PRKAR2B: variants seen among roughly 807,000 people sequenced by gnomAD.
PRKAR2B encodes protein kinase cAMP-dependent type II regulatory subunit beta.
PRKAR2B carries 14 observed loss-of-function variants against 49.9 expected under a neutral mutation model. That is an observed-to-expected ratio of 0.28 (90% CI 0.19 to 0.44). The LOEUF is 0.44. Ranked by LOEUF, PRKAR2B falls within the 20% of genes least tolerant of loss-of-function variation. The pLI, the probability that PRKAR2B is intolerant of heterozygous loss-of-function variation, is 1.00. For synonymous variants in PRKAR2B, 196 were observed against 197.7 expected (o/e 0.99, Z 0.07); for missense variants, 393 against 537.9 (o/e 0.73, Z 2.67).
chr7:107,111,974 C>G (rs1795181208), intron 2 of PRKAR2B, among the ~76,000 whole-genome samples: 1 of 127,446 alleles, frequency 7.8e-6, no homozygotes, highest in Non-Finnish European at 1.6e-5. Context: ...CATGACCAGC[C>G]TAAGCAATAT....
intron 2 of PRKAR2B, among the ~76,000 whole-genome samples, chr7:107,074,558 G>T (rs959609734): frequency 1.3e-5 from 2 of 152,018 alleles, no homozygotes; most frequent in African/African-American, 4.8e-5. Context: ...TGCCACTTTG[G>T]GAGGCTGAGG....
At chr7:107,075,784 C>T (rs868474097) in intron 2 of PRKAR2B, among the ~76,000 whole-genome samples, 11 of 152,144 alleles carry the variant, frequency 7.2e-5, no homozygotes, top group South Asian at 2.1e-4. Context: ...GCCATAAACC[C>T]CTCAGCTTTT....
At chr7:107,080,095 T>C (rs1026551125) in intron 2 of PRKAR2B, among the ~76,000 whole-genome samples, 33 of 152,200 alleles carry the variant, frequency 2.2e-4, no homozygotes, top group African/African-American at 7.7e-4. Flanking sequence ...TGGTGGCACA[T>C]TGGAGTGAAA....
At chr7:107,066,416 T>G (rs2536498) in intron 1 of PRKAR2B, among the ~76,000 whole-genome samples, 6 of 152,128 alleles carry the variant, frequency 3.9e-5, no homozygotes, top group African/African-American at 1.4e-4. Flanking sequence ...TGTCACATTT[T>G]AAGATACCTT....
chr7:107,106,338 C>G (rs1795071972), intron 2 of PRKAR2B, among the ~76,000 whole-genome samples: 1 of 152,140 alleles, frequency 6.6e-6, no homozygotes, highest in Non-Finnish European at 1.5e-5. Flanking sequence ...AATGGCTCGG[C>G]CTTGGTTATG....
chr7:107,109,905 G>A (rs891832357), intron 2 of PRKAR2B, among the ~76,000 whole-genome samples: 7 of 152,240 alleles, frequency 4.6e-5, no homozygotes, highest in Non-Finnish European at 5.9e-5. Flanking sequence ...CCCACGGAAG[G>A]ACATTATTGA....
intron 1 of PRKAR2B, among the ~76,000 whole-genome samples, chr7:107,045,801 C>A (rs1793676593): frequency 6.6e-6 from 1 of 152,118 alleles, no homozygotes; most frequent in African/African-American, 2.4e-5. Flanking sequence ...TCCAATTTAC[C>A]AATACCGTGT....
At chr7:107,116,888 T>C (rs928677456) in intron 2 of PRKAR2B, among the ~76,000 whole-genome samples, 5 of 149,774 alleles carry the variant, frequency 3.3e-5, no homozygotes, top group African/African-American at 4.9e-5. Flanking sequence ...TACACACATA[T>C]ATATATATGT....
chr7:107,088,046 A>G (rs1794654677), intron 2 of PRKAR2B, among the ~76,000 whole-genome samples: 5 of 152,162 alleles, frequency 3.3e-5, no homozygotes, highest in Admixed American at 3.3e-4. Flanking sequence ...TCATTGATTT[A>G]CAGTATGTCG....
intron 2 of PRKAR2B, among the ~76,000 whole-genome samples, chr7:107,094,733 C>A (rs1050491544): frequency 5.9e-5 from 9 of 152,178 alleles, no homozygotes; most frequent in African/African-American, 2.2e-4. Context: ...TATGGCTAAC[C>A]AGTTTCCCCA....
At chr7:107,108,298 C>T (rs796315216) in intron 2 of PRKAR2B, among the ~76,000 whole-genome samples, 9 of 152,054 alleles carry the variant, frequency 5.9e-5, no homozygotes, top group African/African-American at 1.2e-4. Flanking sequence ...GAAAGTGTCC[C>T]GACTTACATA....
intron 1 of PRKAR2B, among the ~76,000 whole-genome samples, chr7:107,048,954 T>A (rs1410939477): frequency 6.6e-6 from 1 of 152,266 alleles, no homozygotes; most frequent in African/African-American, 2.4e-5. Context: ...CCTCTTGGCA[T>A]CTACTCTGTC....
At position 107,047,540 on chromosome 7, in the gene PRKAR2B, A is replaced by G. The variant is rs945639765; in HGVS notation, c.307+2326A>G. 2.6e-5 allele frequency among the ~76,000 whole-genome samples: 4 copies of G among 152,096 alleles called. No individual in the cohort carries two copies. The South Asian group carries it at 8.3e-4, about 32-fold the overall frequency. On this transcript the variant is annotated intron_variant, in intron 1 of 10. Transcript: ENST00000265717. ...TGCCGACCCCTGGTTAGAAGAAAAA[A>G]AAAAAAGTCAAAATAGTACCATTGG...
intron 2 of PRKAR2B, among the ~76,000 whole-genome samples, chr7:107,106,786 A>G (rs1032359953): frequency 6.6e-5 from 10 of 152,034 alleles, no homozygotes; most frequent in African/African-American, 2.4e-4. Context: ...GACCCCCCTC[A>G]GAATCAAGGG....
chr7:107,112,340 C>A (rs1426658231), intron 2 of PRKAR2B, among the ~76,000 whole-genome samples: 1 of 151,904 alleles, frequency 6.6e-6, no homozygotes, highest in Non-Finnish European at 1.5e-5. Context: ...TATATCACAT[C>A]ATTTTTCTTT....
At chr7:107,158,479 G>A (rs770593401) in intron 10 of PRKAR2B, among the ~76,000 whole-genome samples, 4 of 152,044 alleles carry the variant, frequency 2.6e-5, no homozygotes, top group Admixed American at 1.3e-4. Flanking sequence ...GTTCATTATC[G>A]CTTAGGAATG....
intron 1 of PRKAR2B, among the ~76,000 whole-genome samples, chr7:107,069,030 G>A (rs547778251): frequency 1.2e-4 from 19 of 152,224 alleles, no homozygotes; most frequent in Admixed American, 1.2e-3. Flanking sequence ...TGCCTCCTGG[G>A]TTCAAGCGAT....
intron 2 of PRKAR2B, among the ~76,000 whole-genome samples, chr7:107,111,527 CAGAG>C (rs913633961): frequency 2.6e-5 from 4 of 152,128 alleles, no homozygotes; most frequent in Non-Finnish European, 4.4e-5. Flanking sequence ...GCTCAAAACA[CAGAG>C]AGAGTCTCTG....
At chr7:107,119,824 G>A (rs1743261423) in intron 2 of PRKAR2B, among the ~76,000 whole-genome samples, 1 of 152,152 alleles carries the variant, frequency 6.6e-6, no homozygotes, top group African/African-American at 2.4e-5. Flanking sequence ...TTGGCAATCT[G>A]GTTTCATATG....
Sources: gnomAD v4.1 joint callset for allele counts (sites outside exome capture counted in the v4.1 genomes callset) on GRCh38, gnomAD v4.1.1 for gene constraint, MANE v1.5 for transcripts, NCBI Gene and HGNC (gene_info 2026-07-23, HGNC 2026-07-21) for gene names.